Variants in TLL2 observed in about 807,000 individuals in gnomAD.
TLL2 encodes the protein tolloid like 2, also known as tolloid-like protein 2.
In TLL2, 106 loss-of-function variants were observed where a neutral mutation model predicts 123.0. The observed-to-expected ratio is 0.86, with a 90% CI of 0.74 to 1.01. The LOEUF is 1.01. Among genes scored for constraint, TLL2 ranks in the 50% least tolerant of loss-of-function variants. The pLI, the probability that TLL2 is intolerant of heterozygous loss-of-function variation, is 0.00. For missense variants in TLL2, 1,332 were observed against 1,336.7 expected (o/e 1.00, Z 0.06); for synonymous variants, 494 against 516.8 (o/e 0.96, Z 0.60).
At chr10:96,476,240 A>ATATATATATATATATATATTTTTTT in intron 2 of TLL2, among the ~76,000 whole-genome samples, 1 of 20,502 alleles carries the variant, frequency 4.9e-5, no homozygotes, top group Admixed American at 5.2e-4. Flanking sequence ...ATATATATAT[A>ATATATATATATATATATATTTTTTT]TTTTATTTTT....
At chr10:96,389,282 G>A (rs896078256) in intron 13 of TLL2, among the ~76,000 whole-genome samples, 5 of 152,178 alleles carry the variant, frequency 3.3e-5, no homozygotes, top group African/African-American at 1.2e-4. Flanking sequence ...GACTGAAAAC[G>A]ATGCATGTGA....
intron 2 of TLL2, among the ~76,000 whole-genome samples, chr10:96,469,493 C>T (rs56101127): frequency 0.16 from 23,979 of 152,200 alleles, 2,249 homozygotes; most frequent in East Asian, 0.29. Flanking sequence ...TGCCTCTGCT[C>T]TGCCTCTGGT....
chr10:96,481,520 C>T (rs564976886), intron 1 of TLL2, among the ~76,000 whole-genome samples: 1 of 152,158 alleles, frequency 6.6e-6, no homozygotes, highest in Admixed American at 6.5e-5. Flanking sequence ...TGTTCTGTAA[C>T]AAAAATCCAT....
intron 2 of TLL2, among the ~76,000 whole-genome samples, chr10:96,470,592 C>G (rs11599620): frequency 3.9e-5 from 6 of 152,100 alleles, no homozygotes; most frequent in Admixed American, 2.6e-4. Context: ...GAGCCTAAGT[C>G]GTCAGCAGCT....
At chr10:96,435,067 T>C (rs1407333314) in intron 3 of TLL2, among the ~76,000 whole-genome samples, 1 of 150,796 alleles carries the variant, frequency 6.6e-6, no homozygotes, top group Non-Finnish European at 1.5e-5. Flanking sequence ...AGTCTTGCTC[T>C]GTTGCCCAGG....
chr10:96,468,610 G>A (rs569678695), intron 2 of TLL2, among the ~76,000 whole-genome samples: 25 of 152,302 alleles, frequency 1.6e-4, no homozygotes, highest in South Asian at 4.2e-4. Context: ...TGGCTAGAAC[G>A]TCAGGTACTA....
At chr10:96,502,648 G>A (rs1231289736) in intron 1 of TLL2, among the ~76,000 whole-genome samples, 1 of 152,140 alleles carries the variant, frequency 6.6e-6, no homozygotes, top group Non-Finnish European at 1.5e-5. Context: ...GAGCCAAGGA[G>A]GACAGGACAG....
chr10:96,471,072 C>T (rs1013983011), intron 2 of TLL2, among the ~76,000 whole-genome samples: 3 of 152,114 alleles, frequency 2.0e-5, no homozygotes, highest in African/African-American at 7.2e-5. Flanking sequence ...GCGATCTCAG[C>T]TCACTGCAGC....
At chr10:96,385,360 A>AT (rs1399101092) in intron 15 of TLL2, among the ~76,000 whole-genome samples, 1 of 152,090 alleles carries the variant, frequency 6.6e-6, no homozygotes, top group African/African-American at 2.4e-5. Flanking sequence ...TTCAAGGATT[A>AT]TTTTTTTCTG....
At position 96,367,226 on chromosome 10, in the gene TLL2, A is replaced by C. The variant is rs1846037273; in HGVS notation, c.*862T>G. Reference sequence around the variant, plus strand: ...TCAAGGAGTCCAGGTGTGCCACGGCAAGTGCCTCCAAAGCTAAAAGAAGAA... The same window carrying C: ...TCAAGGAGTCCAGGTGTGCCACGGCCAGTGCCTCCAAAGCTAAAAGAAGAA... On this transcript the variant is annotated 3_prime_UTR_variant, in exon 21 of 21. Coordinates refer to ENST00000357947, the MANE Select transcript of TLL2 (RefSeq NM_012465.4). 1 of 152,278 alleles carries C rather than the reference A, an allele frequency of 6.6e-6. No individual in the cohort carries two copies. The highest frequency in any genetic ancestry group is 2.1e-4 in the South Asian group (1 of 4,834). The allele number at this position is 152,278 out of a possible 1,614,324, so 9.4% of individuals were successfully genotyped here. A position where few individuals can be genotyped will look rare whatever the true frequency, so the allele number is the denominator to read the frequency against.
intron 1 of TLL2, among the ~76,000 whole-genome samples, chr10:96,489,262 C>A (rs1222853126): frequency 6.6e-6 from 1 of 152,250 alleles, no homozygotes; most frequent in Non-Finnish European, 1.5e-5. Flanking sequence ...GGTGCAGTGG[C>A]TCACCTGTAA....
Position 96,513,602 on chromosome 10 carries a change from C to T in TLL2, c.84G>A (p.Glu28=). The change falls in exon 1 of 21, where the codon GAG becomes GAA. Residue 28 remains glutamate, a synonymous_variant. Transcript: ENST00000357947. ...AGTAGTCTGCGGTGGCGTCCGGGCG[C>T]TCCCCGAGTCCCCCGGCGCCGCGAG... ...PLPRGAGGLG[E]RPDATADYSE... The T allele has an allele frequency of 6.2e-7, 1 of 1,604,738 alleles. No homozygotes were observed.
intron 3 of TLL2, among the ~76,000 whole-genome samples, chr10:96,433,994 C>T (rs1306136680): frequency 2.6e-5 from 4 of 152,074 alleles, no homozygotes; most frequent in African/African-American, 7.2e-5. Flanking sequence ...AGGCTGGTCT[C>T]GAACTCCTGA....
At chr10:96,427,136 G>A (rs1188412789) in intron 5 of TLL2, among the ~76,000 whole-genome samples, 1 of 151,916 alleles carries the variant, frequency 6.6e-6, no homozygotes, top group African/African-American at 2.4e-5. Flanking sequence ...AAGCATGGGG[G>A]GACTTTTAAC....
chr10:96,428,577 C>T (rs902352065), intron 5 of TLL2, 54 bp downstream of exon 5: 2 of 1,178,374 alleles, frequency 1.7e-6, no homozygotes, highest in Non-Finnish European at 2.5e-6. Context: ...AAATTCAACA[C>T]TCATGAGCCA....
At chr10:96,409,725 C>A (rs1403457291) in intron 9 of TLL2, among the ~76,000 whole-genome samples, 2 of 152,158 alleles carry the variant, frequency 1.3e-5, no homozygotes, top group African/African-American at 4.8e-5. Flanking sequence ...AGGGATGTGT[C>A]CACCCAGAGC....
chr10:96,424,950 AC>A (rs1400629930), intron 5 of TLL2, among the ~76,000 whole-genome samples: 2 of 149,950 alleles, frequency 1.3e-5, no homozygotes, highest in African/African-American at 4.9e-5. Context: ...TTTAATACTT[AC>A]ATCTTTGATC....
At chr10:96,399,161 G>A (rs113992486) in intron 10 of TLL2, among the ~76,000 whole-genome samples, 16,915 of 152,166 alleles carry the variant, frequency 0.11, 1,195 homozygotes, top group South Asian at 0.19. Flanking sequence ...ATGAGCCACC[G>A]CGCCTGGCTG....
intron 7 of TLL2, among the ~76,000 whole-genome samples, chr10:96,418,212 T>A (rs1846583628): frequency 6.6e-6 from 1 of 151,810 alleles, no homozygotes; most frequent in African/African-American, 2.4e-5. Flanking sequence ...CTAGCAATCC[T>A]AGAAAAAAAA....
Sources: allele counts gnomAD v4.1 joint callset (sites outside exome capture counted in the v4.1 genomes callset), GRCh38; gene constraint gnomAD v4.1.1; transcripts MANE v1.5; gene names NCBI Gene and HGNC (gene_info 2026-07-23, HGNC 2026-07-21).